Variants in NRXN3 observed in about 807,000 individuals in gnomAD.
NRXN3 encodes neurexin 3.
NRXN3 carries 32 observed loss-of-function variants against 137.6 expected under a neutral mutation model. That is an observed-to-expected ratio of 0.23 (90% confidence interval 0.18 to 0.31). The LOEUF (loss-of-function observed/expected upper bound fraction) is 0.31, where lower values mean the gene tolerates loss of function less well. Ranked by LOEUF, NRXN3 falls within the 10% of genes least tolerant of loss-of-function variation. NRXN3 has a pLI of 1.00. For missense variants in NRXN3, 1,574 were observed against 2,062.5 expected, an observed-to-expected ratio of 0.76 and a Z score of 4.59; for synonymous variants, 798 against 784.5, an observed-to-expected ratio of 1.02 and a Z score of -0.29.
At chr14:78,779,406 A>G (rs2098760408) in intron 8 of NRXN3, among the ~76,000 whole-genome samples, 1 of 152,134 alleles carries the variant, frequency 6.6e-6, no homozygotes, top group South Asian at 2.1e-4. Context: ...ACTACAGCAA[A>G]CATATATTTA....
intron 15 of NRXN3, among the ~76,000 whole-genome samples, chr14:79,136,933 A>G (rs1481226380): frequency 6.6e-6 from 1 of 152,228 alleles, no homozygotes; most frequent in Non-Finnish European, 1.5e-5. Context: ...TACAGGAGGC[A>G]TCCATGGAAC....
chr14:78,550,745 A>G (rs915328383), intron 4 of NRXN3, among the ~76,000 whole-genome samples: 3 of 152,316 alleles, frequency 2.0e-5, no homozygotes, highest in Non-Finnish European at 4.4e-5. Flanking sequence ...TTAGAGGATA[A>G]GTCTAGGCTT....
At chr14:78,275,239 T>C (rs2073405093) in intron 2 of NRXN3, among the ~76,000 whole-genome samples, 1 of 152,198 alleles carries the variant, frequency 6.6e-6, no homozygotes, top group Admixed American at 6.5e-5. Context: ...TTTATTCCCA[T>C]TAAAACCCAA....
intron 10 of NRXN3, among the ~76,000 whole-genome samples, chr14:78,929,663 ATG>A (rs1178323080): frequency 6.6e-6 from 1 of 152,168 alleles, no homozygotes; most frequent in Admixed American, 6.6e-5. Flanking sequence ...ATACACATGC[ATG>A]TGTCTTTATA....
At chr14:79,160,189 T>C (rs1352951369) in intron 15 of NRXN3, among the ~76,000 whole-genome samples, 1 of 151,902 alleles carries the variant, frequency 6.6e-6, no homozygotes, top group African/African-American at 2.4e-5. Flanking sequence ...GTAGCAGGAA[T>C]TTTGAAGCCC....
chr14:79,408,033 G>A (rs1037587692), intron 15 of NRXN3, among the ~76,000 whole-genome samples: 2 of 152,136 alleles, frequency 1.3e-5, no homozygotes, highest in Non-Finnish European at 2.9e-5. Flanking sequence ...CAGCTAGTAA[G>A]TTGAAATTAA....
rs138483404 is a variant in NRXN3 at position 79,495,024 on chromosome 14, A to G, written c.3444+27622A>G. Among the ~76,000 whole-genome samples, 53 of 152,318 alleles carry G rather than the reference A, an allele frequency of 3.5e-4. 1 individual carries two copies. The East Asian group carries it at 3.9e-3, about 11-fold the overall frequency. On this transcript the variant is annotated intron_variant, in intron 16 of 20. Coordinates refer to ENST00000335750, the MANE Select transcript of NRXN3 (RefSeq NM_001330195.2). ...CTTTCTATCTTTCCTTTCTCCACTG[A>G]ACTTGGGCGTCAGTCTCTTTCTTGG...
At chr14:79,514,061 A>G (rs903063466) in intron 16 of NRXN3, among the ~76,000 whole-genome samples, 1 of 152,202 alleles carries the variant, frequency 6.6e-6, no homozygotes, top group Non-Finnish European at 1.5e-5. Context: ...GCTTCTAAAC[A>G]AGTGTTTCTT....
rs1032090889 is a variant in NRXN3 at position 78,373,512 on chromosome 14, G to A, written c.757+75652G>A. Among the ~76,000 whole-genome samples the A allele has an allele frequency of 1.2e-3, 189 of 152,324 alleles. 2 individuals are homozygous for A. Among genetic ancestry groups the A allele is most frequent in the Non-Finnish European group, 2.6e-4 (18 of 68,030 alleles). ...ATCAGGGGTAAAGCCATGTGGTTGT[G>A]TATCTTTTCTATGGTACCTGCAAAC... On this transcript the variant is annotated intron_variant, in intron 4 of 20. Transcript: ENST00000335750.
intron 10 of NRXN3, among the ~76,000 whole-genome samples, chr14:78,915,161 T>TAGATAATTAAAGAG (rs1194237899): frequency 6.6e-6 from 1 of 151,508 alleles, no homozygotes; most frequent in Non-Finnish European, 1.5e-5. Context: ...CAGTGGTATG[T>TAGATAATTAAAGAG]GCGTGTGTAG....
At chr14:78,462,419 A>G (rs2094947992) in intron 4 of NRXN3, among the ~76,000 whole-genome samples, 3 of 152,094 alleles carry the variant, frequency 2.0e-5, no homozygotes, top group Admixed American at 2.0e-4. Context: ...TCCATTTTTT[A>G]AATTCAAGAC....
chr14:79,132,787 A>T (rs2057724882), intron 15 of NRXN3, among the ~76,000 whole-genome samples: 1 of 152,324 alleles, frequency 6.6e-6, no homozygotes, highest in South Asian at 2.1e-4. Flanking sequence ...ATTTTTAAGG[A>T]GTTCCCTGGG....
intron 10 of NRXN3, among the ~76,000 whole-genome samples, chr14:78,819,171 C>T (rs1164924506): frequency 1.3e-5 from 2 of 152,006 alleles, no homozygotes; most frequent in Non-Finnish European, 2.9e-5. Context: ...AATACTATTT[C>T]TGTTTTCCTT....
Position 78,923,634 on chromosome 14 carries a change from A to G in NRXN3, c.2276-33608A>G, listed in dbSNP as rs370111511. Among the ~76,000 whole-genome samples the G allele has an allele frequency of 7.9e-5, 12 of 152,334 alleles. No homozygotes were observed. The East Asian group carries it at 2.1e-3, about 27-fold the overall frequency. On this transcript the variant is annotated intron_variant, in intron 10 of 20. Transcript: ENST00000335750. ...AGGAATTAAGGAAATGCCAAGAGGT[A>G]GAACATCCAGTATCTTTGGTGGAGA...
At chr14:79,684,031 A>G (rs2098683725) in intron 17 of NRXN3, among the ~76,000 whole-genome samples, 1 of 152,192 alleles carries the variant, frequency 6.6e-6, no homozygotes, top group African/African-American at 2.4e-5. Flanking sequence ...GATATTTTAT[A>G]GCTCCATCAT....
At chr14:78,657,521 A>C (rs1043857755) in intron 6 of NRXN3, among the ~76,000 whole-genome samples, 1 of 152,234 alleles carries the variant, frequency 6.6e-6, no homozygotes, top group Non-Finnish European at 1.5e-5. Flanking sequence ...AAGGAAAAGC[A>C]GGAGAATTGG....
intron 15 of NRXN3, among the ~76,000 whole-genome samples, chr14:79,071,917 A>G (rs1385800160): frequency 6.6e-6 from 1 of 152,218 alleles, no homozygotes; most frequent in African/African-American, 2.4e-5. Context: ...ATATCAAAAT[A>G]TAACTTATGC....
At chr14:79,370,145 G>C (rs1343823586) in intron 15 of NRXN3, among the ~76,000 whole-genome samples, 1 of 152,076 alleles carries the variant, frequency 6.6e-6, no homozygotes, top group East Asian at 1.9e-4. Context: ...CATTTAGTAA[G>C]GAAGAACAGC....
intron 15 of NRXN3, among the ~76,000 whole-genome samples, chr14:79,158,183 C>G (rs534060996): frequency 3.4e-4 from 52 of 151,888 alleles, no homozygotes; most frequent in African/African-American, 1.1e-3. Flanking sequence ...TACTCTCTTT[C>G]AGAAGTATTT....
Sources: gnomAD v4.1 joint callset for allele counts (sites outside exome capture counted in the v4.1 genomes callset) on GRCh38, gnomAD v4.1.1 for gene constraint, MANE v1.5 for transcripts, NCBI Gene and HGNC (gene_info 2026-07-23, HGNC 2026-07-21) for gene names.